The following GALNT18 variants were observed in gnomAD, a reference collection of about 807,000 sequenced individuals.
GALNT18 encodes GalNAc-transferase 18.
A neutral mutation model predicts 69.5 loss-of-function variants in GALNT18; 44 were observed. The observed-to-expected ratio is 0.63, with a 90% CI of 0.50 to 0.81. The LOEUF (loss-of-function observed/expected upper bound fraction) is 0.81. Among genes scored for constraint, GALNT18 ranks in the 40% least tolerant of loss-of-function variants. The pLI is 0.00. For synonymous variants in GALNT18, 364 were observed against 318.2 expected, an observed-to-expected ratio of 1.14 and a Z score of -1.53; for missense variants, 715 against 810.0, an observed-to-expected ratio of 0.88 and a Z score of 1.42.
At chr11:11,531,957 C>T (rs1170043769) in intron 1 of GALNT18, among the ~76,000 whole-genome samples, 1 of 152,082 alleles carries the variant, frequency 6.6e-6, no homozygotes, top group Non-Finnish European at 1.5e-5. Context: ...ACACCGCAGT[C>T]TCTACACACC....
intron 1 of GALNT18, among the ~76,000 whole-genome samples, chr11:11,615,277 T>C (rs1860016725): frequency 6.6e-6 from 1 of 152,224 alleles, no homozygotes; most frequent in Non-Finnish European, 1.5e-5. Context: ...TCAGGACATC[T>C]GCTGATTCTT....
intron 10 of GALNT18, among the ~76,000 whole-genome samples, chr11:11,281,375 G>C (rs1849071417): frequency 6.6e-6 from 1 of 152,188 alleles, no homozygotes; most frequent in Non-Finnish European, 1.5e-5. Flanking sequence ...CCGTTTATCA[G>C]CTATAAACCG....
intron 1 of GALNT18, among the ~76,000 whole-genome samples, chr11:11,479,202 T>C (rs942574017): frequency 6.6e-6 from 1 of 152,170 alleles, no homozygotes; most frequent in African/African-American, 2.4e-5. Context: ...TGATTAATGT[T>C]TTCCTAATTG....
intron 3 of GALNT18, among the ~76,000 whole-genome samples, chr11:11,417,178 T>G (rs950962819): frequency 6.6e-6 from 1 of 152,228 alleles, no homozygotes; most frequent in Non-Finnish European, 1.5e-5. Context: ...CATGCGCCTT[T>G]CTGAAACGGC....
chr11:11,547,717 C>A (rs1858092779), intron 1 of GALNT18, among the ~76,000 whole-genome samples: 1 of 152,194 alleles, frequency 6.6e-6, no homozygotes, highest in Admixed American at 6.5e-5. Flanking sequence ...TCCCTTCTAT[C>A]CCATCCTCTA....
chr11:11,277,559 C>T (rs921918680), intron 10 of GALNT18, among the ~76,000 whole-genome samples: 1 of 152,124 alleles, frequency 6.6e-6, no homozygotes, highest in Non-Finnish European at 1.5e-5. Context: ...AATGTGTTTG[C>T]TGCTGCTTCT....
chr11:11,398,380 G>C (rs1854382998), intron 3 of GALNT18, among the ~76,000 whole-genome samples: 1 of 152,228 alleles, frequency 6.6e-6, no homozygotes, highest in Non-Finnish European at 1.5e-5. Context: ...AATATTGGCT[G>C]TGAGGCAGCA....
intron 3 of GALNT18, among the ~76,000 whole-genome samples, chr11:11,397,635 T>C (rs1854364961): frequency 6.6e-6 from 1 of 151,942 alleles, no homozygotes; most frequent in South Asian, 2.1e-4. Flanking sequence ...GCCCAGATAA[T>C]TGTTTTTGTA....
intron 3 of GALNT18, among the ~76,000 whole-genome samples, chr11:11,380,767 C>T (rs1853894030): frequency 6.6e-6 from 1 of 152,210 alleles, no homozygotes; most frequent in African/African-American, 2.4e-5. Flanking sequence ...TTTAATCAGC[C>T]TTTCTAAAGA....
chr11:11,318,087 G>A lies in GALNT18; in HGVS notation c.1512+8999C>T, dbSNP rs1849785998. On this transcript the variant is annotated intron_variant, in intron 9 of 10. Transcript: ENST00000227756. This position sits in a 1 kb window ranked among gnomAD's most constrained non-coding sequence, Gnocchi z 5.1. ...GAAAACCACAACTTGCTACCCCTCT[G>A]AGTCAGGCAGGGCCATGTTACCATG... Among the ~76,000 whole-genome samples, 1 of 152,216 alleles carries A rather than the reference G, an allele frequency of 6.6e-6. No homozygotes were observed. The highest frequency in any genetic ancestry group is 6.5e-5 in the Admixed American group (1 of 15,280).
intron 1 of GALNT18, among the ~76,000 whole-genome samples, chr11:11,495,434 T>A (rs1408843393): frequency 6.6e-6 from 1 of 152,046 alleles, no homozygotes; most frequent in Non-Finnish European, 1.5e-5. Context: ...TCAAGACCCA[T>A]CAAATCAGGG....
chr11:11,587,499 G>C lies in GALNT18; in HGVS notation c.235+33860C>G, dbSNP rs1443092645. Among the ~76,000 whole-genome samples, 1 of 152,188 alleles carries C rather than the reference G, an allele frequency of 6.6e-6. No homozygotes were observed. The highest frequency in any genetic ancestry group is 1.5e-5 in the Non-Finnish European group (1 of 68,040). ...TGAGCATATCCAAAGCCTCGATCTA[G>C]GAGGAAGCACTCTGGAGCTCAGCCT... On this transcript the variant is annotated intron_variant, in intron 1 of 10. Coordinates refer to ENST00000227756, the MANE Select transcript of GALNT18 (RefSeq NM_198516.3). This position sits in a 1 kb window ranked among gnomAD's most constrained non-coding sequence, Gnocchi z 4.4.
chr11:11,272,314 C>T (rs1848844797), intron 10 of GALNT18, among the ~76,000 whole-genome samples: 1 of 152,230 alleles, frequency 6.6e-6, no homozygotes, highest in South Asian at 2.1e-4. Context: ...TATCCCTTTC[C>T]CATCACACTT....
rs1176313882 is a variant in GALNT18 at position 11,432,480 on chromosome 11, C to A, written c.595+141G>T. ...CGGAGTGAACCTTCTGAAGCAGTGG[C>A]CACCATGAATTTCTCATCTATGCTC... On this transcript the variant is annotated intron_variant, in intron 3 of 10. Coordinates refer to ENST00000227756, the MANE Select transcript of GALNT18 (RefSeq NM_198516.3). The surrounding 1 kb of genome is among the most constrained non-coding windows in gnomAD (Gnocchi z 5.8). 1.2e-6 allele frequency: 1 copy of A among 830,022 alleles called. No individual in the cohort carries two copies. Among genetic ancestry groups the A allele is most frequent in the African/African-American group, 1.7e-5 (1 of 58,474 alleles). The allele number at this position is 830,022 out of a possible 1,614,324, so 51.4% of individuals were successfully genotyped here.
At chr11:11,612,873 T>C (rs1859946037) in intron 1 of GALNT18, among the ~76,000 whole-genome samples, 1 of 152,228 alleles carries the variant, frequency 6.6e-6, no homozygotes, top group Admixed American at 6.5e-5. Context: ...CCAAACACTG[T>C]ATTTCTGTGA....
intron 6 of GALNT18, among the ~76,000 whole-genome samples, chr11:11,344,865 ACCTCTTGGCT>A (rs1850275337): frequency 7.7e-4 from 1 of 1,294 alleles, no homozygotes; most frequent in Non-Finnish European, 0.011. Flanking sequence ...GGGCTATGTA[ACCTCTTGGCT>A]AACAAACACC....
At chr11:11,326,041 C>CTTTTTT (rs34393732) in intron 9 of GALNT18, among the ~76,000 whole-genome samples, 1 of 105,424 alleles carries the variant, frequency 9.5e-6, no homozygotes, top group Non-Finnish European at 1.9e-5. Flanking sequence ...TGCTAAATAT[C>CTTTTTT]TTTTTTTTTT....
In GALNT18 at chr11:11,559,256, C is replaced by A. The variant is rs558814011; in HGVS notation, c.235+62103G>T. On this transcript the variant is annotated intron_variant, in intron 1 of 10. Transcript: ENST00000227756. The stretch of plus-strand genomic sequence containing the variant: ...CCTCCAAGAAGCCTCTTCCGACCAC[C>A]CCCTCCACTGTCACATTCTCCTCTA... Among the ~76,000 whole-genome samples, 82 of 152,312 alleles carry A rather than the reference C, an allele frequency of 5.4e-4. No individual in the cohort carries two copies. The Middle Eastern group carries it at 0.014, about 25-fold the overall frequency.
intron 3 of GALNT18, among the ~76,000 whole-genome samples, chr11:11,419,427 T>C (rs1427208178): frequency 1.3e-5 from 2 of 150,864 alleles, no homozygotes; most frequent in Admixed American, 6.6e-5. Context: ...CGAAACCTTG[T>C]CTCTACTAAA....
Sources: gnomAD v4.1 joint callset for allele counts (sites outside exome capture counted in the v4.1 genomes callset) on GRCh38, gnomAD v4.1.1 for gene constraint, Gnocchi (gnomAD v3.1) non-coding constraint, MANE v1.5 for transcripts, NCBI Gene and HGNC (gene_info 2026-07-23, HGNC 2026-07-21) for gene names.